The following KCNJ6 variants were observed in gnomAD, a reference collection of about 807,000 sequenced individuals.
KCNJ6 encodes G protein-activated inward rectifier potassium channel 2.
In KCNJ6, 9 loss-of-function variants were observed where a neutral mutation model predicts 34.2. The ratio of observed to expected loss-of-function variants is 0.26; its 90% CI spans 0.16 to 0.46. The LOEUF (loss-of-function observed/expected upper bound fraction) is 0.46. Among genes scored for constraint, KCNJ6 ranks in the 20% least tolerant of loss-of-function variants. The pLI, the probability that KCNJ6 is intolerant of heterozygous loss-of-function variation, is 1.00. For synonymous variants in KCNJ6, 196 were observed against 207.1 expected (o/e 0.95, Z 0.46); for missense variants, 236 against 531.3 (o/e 0.44, Z 5.46).
intron 2 of KCNJ6, among the ~76,000 whole-genome samples, chr21:37,807,507 G>A (rs142958004): frequency 6.6e-6 from 1 of 152,294 alleles, no homozygotes; most frequent in Non-Finnish European, 1.5e-5. Context: ...GGACGACAGT[G>A]GTCCCGTAAG....
At chr21:37,753,863 C>T (rs530946314) in intron 2 of KCNJ6, among the ~76,000 whole-genome samples, 20 of 152,316 alleles carry the variant, frequency 1.3e-4, no homozygotes, top group South Asian at 8.3e-4. Context: ...TCTGAGACAT[C>T]GGACACTATG....
At chr21:37,659,840 C>T (rs2054480289) in intron 3 of KCNJ6, among the ~76,000 whole-genome samples, 1 of 152,260 alleles carries the variant, frequency 6.6e-6, no homozygotes, top group Non-Finnish European at 1.5e-5. Context: ...TGATTCAAAA[C>T]CTTTTATAAA....
intron 2 of KCNJ6, among the ~76,000 whole-genome samples, chr21:37,750,156 A>T (rs2054988159): frequency 6.6e-6 from 1 of 152,264 alleles, no homozygotes. Context: ...CATTAGAGAA[A>T]TGCAAATCAA....
intron 3 of KCNJ6, among the ~76,000 whole-genome samples, chr21:37,667,318 T>C (rs183198871): frequency 1.3e-5 from 2 of 152,216 alleles, no homozygotes; most frequent in Admixed American, 1.3e-4. Context: ...GAGAATTCTC[T>C]ACTGTGGGGG....
At chr21:37,777,083 G>T (rs556066766) in intron 2 of KCNJ6, among the ~76,000 whole-genome samples, 1 of 152,156 alleles carries the variant, frequency 6.6e-6, no homozygotes. Context: ...TTGGGAGGGC[G>T]TATGTGTCGA....
At chr21:37,887,740 G>C (rs2055742763) in intron 1 of KCNJ6, among the ~76,000 whole-genome samples, 1 of 152,232 alleles carries the variant, frequency 6.6e-6, no homozygotes, top group Non-Finnish European at 1.5e-5. Context: ...AGGTGATCTG[G>C]AGAGGGATCT....
At chr21:37,677,879 T>C (rs1253003782) in intron 3 of KCNJ6, among the ~76,000 whole-genome samples, 1 of 145,452 alleles carries the variant, frequency 6.9e-6, no homozygotes, top group African/African-American at 2.5e-5. Flanking sequence ...CAACACACCC[T>C]TCTGTTCACT....
At chr21:37,804,936 A>C (rs1187042973) in intron 2 of KCNJ6, among the ~76,000 whole-genome samples, 2 of 152,248 alleles carry the variant, frequency 1.3e-5, no homozygotes, top group African/African-American at 4.8e-5. Context: ...GATGTGGTAC[A>C]ATGGAATATT....
At chr21:37,754,681 A>C (rs1213784637) in intron 2 of KCNJ6, among the ~76,000 whole-genome samples, 1 of 152,196 alleles carries the variant, frequency 6.6e-6, no homozygotes, top group African/African-American at 2.4e-5. Flanking sequence ...TGCAAACAGG[A>C]ACTGCAGCAC....
At chr21:37,850,333 T>C (rs1221734039) in intron 1 of KCNJ6, among the ~76,000 whole-genome samples, 2 of 152,012 alleles carry the variant, frequency 1.3e-5, no homozygotes, top group African/African-American at 2.4e-5. Flanking sequence ...GGACCAATAC[T>C]GGTCCGCGGC....
chr21:37,667,633 TAGCAGGTCCAGGGTAGCAGGC>T (rs1200266372), intron 3 of KCNJ6, among the ~76,000 whole-genome samples: 1 of 78,446 alleles, frequency 1.3e-5, no homozygotes, highest in Admixed American at 1.4e-4. Context: ...GGCACCGGGG[TAGCAGGTCCAGGGTAGCAGGC>T]GCCGGGTAGC....
At chr21:37,760,110 C>A (rs2055053045) in intron 2 of KCNJ6, among the ~76,000 whole-genome samples, 1 of 152,166 alleles carries the variant, frequency 6.6e-6, no homozygotes, top group South Asian at 2.1e-4. Flanking sequence ...TAACTGCAGA[C>A]CCAGCCAACA....
intron 2 of KCNJ6, among the ~76,000 whole-genome samples, chr21:37,794,705 C>T (rs1221828686): frequency 6.6e-6 from 1 of 151,870 alleles, no homozygotes; most frequent in African/African-American, 2.4e-5. Context: ...GGGAGGGGAA[C>T]ATCACATACC....
chr21:37,658,603 A>C (rs77644892), intron 3 of KCNJ6, among the ~76,000 whole-genome samples: 28 of 152,310 alleles, frequency 1.8e-4, no homozygotes, highest in Non-Finnish European at 3.5e-4. Flanking sequence ...TGAAAAGAGA[A>C]AATATACCCA....
At chr21:37,850,449 T>C (rs965790572) in intron 1 of KCNJ6, among the ~76,000 whole-genome samples, 1 of 151,616 alleles carries the variant, frequency 6.6e-6, no homozygotes, top group East Asian at 1.9e-4. Flanking sequence ...CTCACAGGAG[T>C]GCGAACCCTA....
chr21:37,656,529 C>T (rs1340970071), intron 3 of KCNJ6, among the ~76,000 whole-genome samples: 1 of 152,184 alleles, frequency 6.6e-6, no homozygotes, highest in African/African-American at 2.4e-5. Context: ...TGAGGTGGGC[C>T]GCATAGCAGC....
chr21:37,884,374 G>A (rs77566302), intron 1 of KCNJ6, among the ~76,000 whole-genome samples: 3,073 of 152,140 alleles, frequency 0.02, 90 homozygotes, highest in African/African-American at 0.068. Flanking sequence ...TGAGACCCTC[G>A]TCTCCCTCAC....
At chr21:37,835,655 G>GT (rs1482019616) in intron 2 of KCNJ6, among the ~76,000 whole-genome samples, 1 of 152,232 alleles carries the variant, frequency 6.6e-6, no homozygotes, top group African/African-American at 2.4e-5. Context: ...CTACTAGGCT[G>GT]TGTCACCTCT....
At chr21:37,886,951 T>C (rs2055738833) in intron 1 of KCNJ6, among the ~76,000 whole-genome samples, 1 of 150,224 alleles carries the variant, frequency 6.7e-6, no homozygotes, top group Non-Finnish European at 1.5e-5. Context: ...TTTTTTTTTC[T>C]TTTCTAAATT....
Sources: allele counts gnomAD v4.1 joint callset (sites outside exome capture counted in the v4.1 genomes callset), GRCh38; gene constraint gnomAD v4.1.1; transcripts MANE v1.5; gene names NCBI Gene and HGNC (gene_info 2026-07-23, HGNC 2026-07-21).